Variants in CLMP observed in about 807,000 individuals in gnomAD.
CLMP encodes the protein CXADR-like membrane protein.
CLMP carries 27 observed loss-of-function variants against 45.2 expected under a neutral mutation model. That is an observed-to-expected ratio of 0.60 (90% CI 0.44 to 0.82). The LOEUF is 0.82. Among genes scored for constraint, CLMP ranks in the 40% least tolerant of loss-of-function variants. CLMP has a pLI of 0.00. For synonymous variants in CLMP, 167 were observed against 171.4 expected, an observed-to-expected ratio of 0.97 and a Z score of 0.20; for missense variants, 403 against 448.4, an observed-to-expected ratio of 0.90 and a Z score of 0.91.
At chr11:123,168,194 C>T (rs1243033783) in intron 1 of CLMP, among the ~76,000 whole-genome samples, 1 of 150,922 alleles carries the variant, frequency 6.6e-6, no homozygotes, top group Non-Finnish European at 1.5e-5. Context: ...CCACCCCCAC[C>T]CCAGGTCCAC....
chr11:123,152,447 C>T (rs1037509049), intron 1 of CLMP, among the ~76,000 whole-genome samples: 2 of 151,620 alleles, frequency 1.3e-5, no homozygotes, highest in Non-Finnish European at 1.5e-5. Flanking sequence ...CACTTGAACC[C>T]GGGAGGTAGA....
chr11:123,102,628 T>C (rs1175221978), intron 1 of CLMP, among the ~76,000 whole-genome samples: 1 of 145,888 alleles, frequency 6.9e-6, no homozygotes, highest in Admixed American at 7.0e-5. Flanking sequence ...CAGGCTGGAG[T>C]GCAGTGGCTC....
At chr11:123,157,048 C>T (rs1414529730) in intron 1 of CLMP, among the ~76,000 whole-genome samples, 1 of 152,158 alleles carries the variant, frequency 6.6e-6, no homozygotes, top group Non-Finnish European at 1.5e-5. Flanking sequence ...AAGCTTGGGG[C>T]CAATTTATCA....
chr11:123,138,682 C>A lies in CLMP; in HGVS notation c.29-40730G>T, dbSNP rs531619843. Among the ~76,000 whole-genome samples the A allele has an allele frequency of 2.9e-5, 4 of 138,904 alleles. No homozygotes were observed. In the Admixed American group the frequency reaches 3.4e-4, roughly 12 times the overall value. The allele number at this position is 138,904 out of a possible 152,430, so 91.1% of individuals were successfully genotyped here. On this transcript the variant is annotated intron_variant, in intron 1 of 6. Coordinates refer to ENST00000448775, the MANE Select transcript of CLMP (RefSeq NM_024769.5). ...CTTACTTATTTATTTGAGATGAAGTCTTGCTCTGTCACCCAAGCTGGAGTG... is the reference window on the plus strand; with the variant it reads ...CTTACTTATTTATTTGAGATGAAGTATTGCTCTGTCACCCAAGCTGGAGTG...
intron 1 of CLMP, among the ~76,000 whole-genome samples, chr11:123,138,948 G>A (rs976430429): frequency 7.4e-4 from 113 of 152,022 alleles, no homozygotes; most frequent in African/African-American, 2.5e-3. Context: ...GAGCCACTGC[G>A]CCTGGACTCT....
Position 123,168,770 on chromosome 11 carries a change from T to G in CLMP, c.28+26143A>C, listed in dbSNP as rs114544388. Among the ~76,000 whole-genome samples, 1,323 of 152,344 alleles carry G rather than the reference T, an allele frequency of 8.7e-3. 11 individuals are homozygous for G. Among genetic ancestry groups the G allele is most frequent in the African/African-American group, 0.026 (1,086 of 41,568 alleles). ...TGGATGCTGCATCTTAAGTGTATAC[T>G]TTCTGCTGTTCCTTCTCTATTTTGC... On this transcript the variant is annotated intron_variant, in intron 1 of 6. Transcript: ENST00000448775.
At position 123,125,504 on chromosome 11, in the gene CLMP, C is replaced by CTCCCTTCCCTTCCCT. The variant is rs1295258016; in HGVS notation, c.29-27567_29-27553dup. ...TCCCTCCCTCCTTCCTCCCTTCTTC[C>CTCCCTTCCCTTCCCT]TCCCTTCCCTTCCCTTCCCTTCCCT... is the stretch of plus-strand genomic sequence containing the variant. On this transcript the variant is annotated intron_variant, in intron 1 of 6. Coordinates refer to ENST00000448775, the MANE Select transcript of CLMP (RefSeq NM_024769.5). 4.6e-4 allele frequency among the ~76,000 whole-genome samples: 33 copies of CTCCCTTCCCTTCCCT among 71,130 alleles called. No individual in the cohort carries two copies. The East Asian group carries it at 4.8e-3, about 10-fold the overall frequency. 46.7% of individuals were successfully genotyped at this position (71,130 alleles called of 152,430 possible).
chr11:123,073,301 C>T lies in CLMP; in HGVS notation c.*173G>A. The stretch of plus-strand genomic sequence containing the variant: ...AGATGAATCAGCTTACATCCTTTTG[C>T]TTGTTTGGTATTGTATAAGGAAAAT... On this transcript the variant is annotated 3_prime_UTR_variant, in exon 7 of 7. Transcript: ENST00000448775. 1.4e-6 allele frequency: 1 copy of T among 690,620 alleles called. No homozygotes were observed. Among genetic ancestry groups the T allele is most frequent in the Non-Finnish European group, 2.4e-6 (1 of 425,484 alleles). The allele number at this position is 690,620 out of a possible 1,614,324, so 42.8% of individuals were successfully genotyped here. A position where few individuals can be genotyped will look rare whatever the true frequency, so the allele number is the denominator to read the frequency against.
intron 1 of CLMP, among the ~76,000 whole-genome samples, chr11:123,149,577 A>C (rs982419785): frequency 2.6e-5 from 4 of 152,134 alleles, no homozygotes; most frequent in African/African-American, 9.7e-5. Context: ...ACTTTGACCA[A>C]TTTAGTTGTA....
intron 2 of CLMP, among the ~76,000 whole-genome samples, chr11:123,088,067 G>T (rs1277439825): frequency 2.0e-5 from 3 of 151,678 alleles, no homozygotes; most frequent in African/African-American, 7.3e-5. Flanking sequence ...TGTGCCACCA[G>T]GCCCAGCTAA....
chr11:123,120,246 C>T (rs947068847), intron 1 of CLMP, among the ~76,000 whole-genome samples: 4 of 152,052 alleles, frequency 2.6e-5, no homozygotes, highest in African/African-American at 9.7e-5. Flanking sequence ...CACAGTGAGA[C>T]CCCATCTCCA....
intron 1 of CLMP, among the ~76,000 whole-genome samples, chr11:123,114,956 C>G (rs1413665701): frequency 1.3e-5 from 2 of 152,222 alleles, no homozygotes; most frequent in Non-Finnish European, 2.9e-5. Context: ...TATTGGACTG[C>G]TACCCAGTAT....
chr11:123,171,320 G>A (rs756556598), intron 1 of CLMP, among the ~76,000 whole-genome samples: 3 of 152,156 alleles, frequency 2.0e-5, no homozygotes, highest in Admixed American at 1.3e-4. Context: ...CTAAGGGCTA[G>A]CTGGTCCCTT....
chr11:123,145,408 A>C (rs1861221182), intron 1 of CLMP, among the ~76,000 whole-genome samples: 1 of 148,264 alleles, frequency 6.7e-6, no homozygotes, highest in African/African-American at 2.5e-5. Context: ...CACGTCACAG[A>C]CTTTGTCAGC....
intron 1 of CLMP, among the ~76,000 whole-genome samples, chr11:123,125,794 C>T (rs568009209): frequency 7.9e-5 from 12 of 151,364 alleles, no homozygotes; most frequent in African/African-American, 2.4e-4. Context: ...TTAGTAGAGA[C>T]GGGGTTTCAC....
At chr11:123,095,845 C>A (rs1183827314) in intron 2 of CLMP, among the ~76,000 whole-genome samples, 2 of 152,152 alleles carry the variant, frequency 1.3e-5, no homozygotes, top group Non-Finnish European at 2.9e-5. Context: ...GACTTAGCAG[C>A]ATTCTTGCTC....
intron 1 of CLMP, among the ~76,000 whole-genome samples, chr11:123,167,349 G>T (rs369156555): frequency 6.6e-6 from 1 of 152,040 alleles, no homozygotes; most frequent in East Asian, 1.9e-4. Flanking sequence ...GCAGTGGCAC[G>T]ATCTTGGCTC....
chr11:123,146,886 T>A (rs141954260), intron 1 of CLMP, among the ~76,000 whole-genome samples: 1 of 152,148 alleles, frequency 6.6e-6, no homozygotes, highest in African/African-American at 2.4e-5. Flanking sequence ...GCATCACTTA[T>A]CGGATTGAAT....
rs567274617 is a variant in CLMP, at chr11:123,134,384, C to A, written c.29-36432G>T. Among the ~76,000 whole-genome samples, 3 of 152,240 alleles carry A rather than the reference C, an allele frequency of 2.0e-5. No homozygotes were observed. In the East Asian group the frequency reaches 5.8e-4, roughly 29 times the overall value. On this transcript the variant is annotated intron_variant, in intron 1 of 6. Coordinates refer to ENST00000448775, the MANE Select transcript of CLMP (RefSeq NM_024769.5). ...CTACACTCCCCTTGAATATTTCTTA[C>A]CATCTTTAACAAGTATTATGATTAA...
Sources: allele counts gnomAD v4.1 joint callset (sites outside exome capture counted in the v4.1 genomes callset), GRCh38; gene constraint gnomAD v4.1.1; transcripts MANE v1.5; gene names NCBI Gene and HGNC (gene_info 2026-07-23, HGNC 2026-07-21).